The following XPO5 variants were observed in gnomAD, a reference collection of about 807,000 sequenced individuals.
XPO5 encodes exportin-5.
A neutral mutation model predicts 160.6 loss-of-function variants in XPO5; 46 were observed. That is an observed-to-expected ratio of 0.29 (90% confidence interval 0.23 to 0.37). XPO5 has a LOEUF of 0.37. Ranked by LOEUF, XPO5 falls within the 10% of genes least tolerant of loss-of-function variation. The pLI is 1.00. For missense variants in XPO5, 1,090 were observed against 1,463.9 expected (o/e 0.74, Z 4.17); for synonymous variants, 537 against 519.3 (o/e 1.03, Z -0.46).
chr6:43,527,111 A>G (rs1024782194), intron 26 of XPO5: 1 of 238,938 alleles, frequency 4.2e-6, no homozygotes, highest in Admixed American at 4.9e-5. Context: ...ACATTTCCCT[A>G]TTTTGACAAA....
intron 10 of XPO5, 137 bp downstream of exon 10, chr6:43,560,787 T>C (rs1447231157): frequency 1.9e-5 from 14 of 728,474 alleles, no homozygotes; most frequent in South Asian, 7.0e-5. Flanking sequence ...ATTCTCTTAA[T>C]GAAATGACAC....
In XPO5 at chr6:43,527,721, C is replaced by G; in HGVS notation, c.2833G>C (p.Glu945Gln). ...NQRSLLCGED[E>Q]AADENPESQE... ...GACTCTGGGTTTTCATCTGCAGCCT[C>G]ATCTTCTCCACTGCAGAAAACCAGG... is the stretch of plus-strand genomic sequence containing the variant. The change falls in exon 26 of 32, where the codon GAG (glutamate) becomes CAG (glutamine). Residue 945 changes from glutamate to glutamine, a missense_variant. Coordinates refer to ENST00000265351, the MANE Select transcript of XPO5 (RefSeq NM_020750.3). The G allele has an allele frequency of 6.2e-7, 1 of 1,613,990 alleles. No homozygotes were observed. The highest frequency in any genetic ancestry group is 2.2e-5 in the East Asian group (1 of 44,880).
At chr6:43,524,075 G>A in intron 31 of XPO5, 70 bp from the exon 32 acceptor site, 2 of 1,565,714 alleles carry the variant, frequency 1.3e-6, no homozygotes, top group Non-Finnish European at 1.7e-6. Flanking sequence ...TCTTGGCCCG[G>A]CGCAGTGGCT....
At chr6:43,551,047 T>C in intron 15 of XPO5, 1 of 305,662 alleles carries the variant, frequency 3.3e-6, no homozygotes, top group Non-Finnish European at 6.0e-6. Flanking sequence ...AATGAATAAA[T>C]AGCTGTGTTT....
intron 23 of XPO5, 94 bp downstream of exon 23, chr6:43,530,594 G>T: frequency 7.0e-7 from 1 of 1,425,532 alleles, no homozygotes; most frequent in Non-Finnish European, 9.6e-7. Context: ...CTTCCTTCCA[G>T]TTCTGCCTCT....
intron 11 of XPO5, 84 bp downstream of exon 11, chr6:43,560,094 T>A: frequency 6.7e-7 from 1 of 1,483,900 alleles, no homozygotes; most frequent in Non-Finnish European, 9.1e-7. Context: ...GCTGGGATTA[T>A]AGGCGTGAGC....
rs1194789001 is a variant in XPO5, at chr6:43,522,890, A to G, written c.*978T>C. ...GACCTCTAGAATGGACTCACAGTAC[A>G]GGTTGTGATGTGAAGGCATGTATTC... On this transcript the variant is annotated 3_prime_UTR_variant, in exon 32 of 32. Transcript: ENST00000265351. The G allele has an allele frequency of 5.2e-6, 1 of 191,324 alleles. No individual in the cohort carries two copies. Among genetic ancestry groups the G allele is most frequent in the Non-Finnish European group, 1.2e-5 (1 of 81,482 alleles). 11.9% of individuals were successfully genotyped at this position (191,324 alleles called of 1,614,324 possible). A position where few individuals can be genotyped will look rare whatever the true frequency, so the allele number is the denominator to read the frequency against.
At chr6:43,552,230 G>GT (rs2127734017) in intron 14 of XPO5, among the ~76,000 whole-genome samples, 1 of 152,066 alleles carries the variant, frequency 6.6e-6, no homozygotes, top group South Asian at 2.1e-4. Flanking sequence ...GCTAATTTTT[G>GT]TATTTTTAGT....
chr6:43,548,652 CTCTTG>C (rs1275854663), intron 17 of XPO5, among the ~76,000 whole-genome samples, 192 bp from the exon 18 acceptor site: 16 of 151,878 alleles, frequency 1.1e-4, no homozygotes, highest in Admixed American at 9.2e-4. Flanking sequence ...CGGAAGATAG[CTCTTG>C]TCTTGAGTAT....
intron 1 of XPO5, among the ~76,000 whole-genome samples, chr6:43,574,578 C>T (rs1211686384): frequency 6.6e-6 from 1 of 151,528 alleles, no homozygotes. Context: ...CAACAGTAGC[C>T]CTACTAGTGT....
chr6:43,539,716 C>A, intron 20 of XPO5: 1 of 651,094 alleles, frequency 1.5e-6, no homozygotes, highest in Non-Finnish European at 2.6e-6. Context: ...GGTGTTTTCT[C>A]GGAGAAGAAG....
intron 20 of XPO5, among the ~76,000 whole-genome samples, chr6:43,535,032 C>A (rs1347326547): frequency 6.6e-6 from 1 of 151,078 alleles, no homozygotes; most frequent in Non-Finnish European, 1.5e-5. Context: ...GTGGCTCATG[C>A]CTGTAATCCC....
intron 20 of XPO5, among the ~76,000 whole-genome samples, chr6:43,537,156 T>TG (rs1794389898): frequency 6.6e-6 from 1 of 151,230 alleles, no homozygotes; most frequent in Non-Finnish European, 1.5e-5. Context: ...TTTTTTTTTT[T>TG]GTAGAGAAAG....
chr6:43,557,834 C>T (rs1762183142), intron 12 of XPO5, among the ~76,000 whole-genome samples: 1 of 148,522 alleles, frequency 6.7e-6, no homozygotes, highest in Non-Finnish European at 1.5e-5. Context: ...GTGGTTCGCA[C>T]CTGTAAATCC....
Position 43,558,552 on chromosome 6 carries a change from A to G in XPO5, c.1261T>C (p.Tyr421His). 1 of 1,603,816 alleles carries G rather than the reference A, an allele frequency of 6.2e-7. No individual in the cohort carries two copies. The change falls in exon 12 of 32, where the codon TAT (tyrosine) becomes CAT (histidine). Residue 421 changes from tyrosine to histidine, a missense_variant. Physicochemically the swap from Tyr to His is moderately conservative, Grantham distance 83. Coordinates refer to ENST00000265351, the MANE Select transcript of XPO5 (RefSeq NM_020750.3). ...TCGCTATCAAAATCAAACCGAGAAT[A>G]TTCACAGCTAGGGCTGTCTGTTTTA... The part of the protein sequence containing the change: ...PSKTDSPSCE[Y>H]SRFDFDSDED...
Position 43,562,885 on chromosome 6 carries a change from A to C in XPO5, c.912-539T>G, listed in dbSNP as rs1257085484. Among the ~76,000 whole-genome samples, 7 of 152,208 alleles carry C rather than the reference A, an allele frequency of 4.6e-5. No homozygotes were observed. In the East Asian group the frequency reaches 1.3e-3, roughly 29 times the overall value. On this transcript the variant is annotated intron_variant, in intron 8 of 31. Coordinates refer to ENST00000265351, the MANE Select transcript of XPO5 (RefSeq NM_020750.3). ...CCCAAAAAACGTTATTCATTTAATT[A>C]ACAGGATCCCTTAAAACAGTGCTGC... is the stretch of plus-strand genomic sequence containing the variant.
At chr6:43,561,900 T>C (rs1370547773) in intron 9 of XPO5, 1 of 170,062 alleles carries the variant, frequency 5.9e-6, no homozygotes, top group Non-Finnish European at 1.2e-5. Flanking sequence ...AAGAGTTCTT[T>C]ATTCAAGTCC....
At chr6:43,529,119 A>T in intron 23 of XPO5, 194 bp from the exon 24 acceptor site, 1 of 1,144,938 alleles carries the variant, frequency 8.7e-7, no homozygotes, top group Non-Finnish European at 1.3e-6. Context: ...ATTCCATTAT[A>T]CTCTTAGTTT....
rs551998670 is a variant in XPO5, at chr6:43,565,298, G to A, written c.911+362C>T. On this transcript the variant is annotated intron_variant, in intron 8 of 31. Coordinates refer to ENST00000265351, the MANE Select transcript of XPO5 (RefSeq NM_020750.3). ...AGTAAGAACTTCAGGTGGGCACAGG[G>A]GCTCACTCCTGTAATCCCAGCACTT... 2.6e-5 allele frequency among the ~76,000 whole-genome samples: 4 copies of A among 152,168 alleles called. No individual in the cohort carries two copies. The East Asian group carries it at 7.8e-4, about 30-fold the overall frequency.
Sources: gnomAD v4.1 joint callset for allele counts (sites outside exome capture counted in the v4.1 genomes callset) on GRCh38, gnomAD v4.1.1 for gene constraint, MANE v1.5 for transcripts, NCBI Gene and HGNC (gene_info 2026-07-23, HGNC 2026-07-21) for gene names.